Variants in TMPRSS4 observed in about 807,000 individuals in gnomAD.
The protein encoded by TMPRSS4 is transmembrane serine protease 4.
In TMPRSS4, 45 loss-of-function variants were observed where a neutral mutation model predicts 56.4. The ratio of observed to expected loss-of-function variants is 0.80; its 90% CI spans 0.63 to 1.02. TMPRSS4 has a LOEUF of 1.02. TMPRSS4 is among the 50% of genes least tolerant of loss of function. The pLI is 0.00. For synonymous variants in TMPRSS4, 205 were observed against 211.0 expected, an observed-to-expected ratio of 0.97 and a Z score of 0.25; for missense variants, 546 against 556.7, an observed-to-expected ratio of 0.98 and a Z score of 0.19.
chr11:118,111,998 C>T (rs1252553019), intron 8 of TMPRSS4, 98 bp downstream of exon 8: 5 of 1,490,674 alleles, frequency 3.4e-6, no homozygotes, highest in Non-Finnish European at 4.5e-6. Context: ...TCTCTTCACT[C>T]TCCCACTAGA....
chr11:118,102,781 G>A (rs1268664510), intron 3 of TMPRSS4, among the ~76,000 whole-genome samples: 1 of 152,188 alleles, frequency 6.6e-6, no homozygotes, highest in Non-Finnish European at 1.5e-5. Context: ...TCAGACTCCG[G>A]GTTCCTCCTC....
rs757378114 is a variant in TMPRSS4 at position 118,107,876 on chromosome 11, G to A, written c.542+1G>A. On this transcript the variant is annotated splice_donor_variant, in intron 6 of 12. Transcript: ENST00000437212. LOFTEE classifies it high-confidence loss of function. ...AGCTTCGCATGCGGAACTCAAGTGGGTAAGTGAGGGGACACCTTCTGGCCT... is the reference window on the plus strand; with the variant it reads ...AGCTTCGCATGCGGAACTCAAGTGGATAAGTGAGGGGACACCTTCTGGCCT... The A allele has an allele frequency of 1.2e-6, 2 of 1,613,388 alleles. No individual in the cohort carries two copies.
At chr11:118,082,656 T>C (rs2135231089) in intron 1 of TMPRSS4, among the ~76,000 whole-genome samples, 1 of 152,228 alleles carries the variant, frequency 6.6e-6, no homozygotes, top group South Asian at 2.1e-4. Flanking sequence ...CCAGTAGCTA[T>C]AATTAACTTA....
chr11:118,090,700 C>T (rs1282324101), intron 1 of TMPRSS4, among the ~76,000 whole-genome samples: 5 of 151,596 alleles, frequency 3.3e-5, no homozygotes, highest in African/African-American at 9.7e-5. Flanking sequence ...AGCCCTTGAG[C>T]GCAGGAGGTG....
chr11:118,101,632 C>G (rs1405591470), intron 3 of TMPRSS4, among the ~76,000 whole-genome samples: 1 of 152,142 alleles, frequency 6.6e-6, no homozygotes, highest in Non-Finnish European at 1.5e-5. Context: ...CACCACCATG[C>G]CTGGCTAATT....
At chr11:118,087,090 C>G (rs1945619945) in intron 1 of TMPRSS4, among the ~76,000 whole-genome samples, 1 of 152,116 alleles carries the variant, frequency 6.6e-6, no homozygotes, top group Admixed American at 6.5e-5. Context: ...TATCCCATCA[C>G]CTAGCAACAG....
intron 3 of TMPRSS4, 132 bp from the exon 4 acceptor site, chr11:118,102,969 A>C: frequency 3.3e-6 from 4 of 1,225,322 alleles, no homozygotes; most frequent in Non-Finnish European, 4.6e-6. Context: ...TGTGCTACCA[A>C]GTAGCAAAAC....
chr11:118,107,581 T>C (rs549405285), intron 5 of TMPRSS4, 193 bp from the exon 6 acceptor site: 79 of 493,898 alleles, frequency 1.6e-4, no homozygotes, highest in South Asian at 5.4e-4. Context: ...AGTCCTGGGA[T>C]GCCAAGGGTC....
chr11:118,098,680 C>G (rs1044470024), intron 2 of TMPRSS4, among the ~76,000 whole-genome samples: 9 of 152,200 alleles, frequency 5.9e-5, no homozygotes, highest in Admixed American at 1.3e-4. Context: ...AGGCGAGGGT[C>G]AGACAAAACC....
chr11:118,113,398 C>G lies in TMPRSS4; in HGVS notation c.873C>G (p.Ile291Met). The G allele has an allele frequency of 6.2e-7, 1 of 1,614,166 alleles. No homozygotes were observed. Among genetic ancestry groups the G allele is most frequent in the Non-Finnish European group, 8.5e-7 (1 of 1,180,018 alleles). Residue 291 changes from isoleucine (I) to methionine (M), a missense_variant, in exon 9 of 13, where the codon ATC becomes ATG. Coordinates refer to ENST00000437212, the MANE Select transcript of TMPRSS4 (RefSeq NM_019894.4). The part of the protein sequence containing the change: ...FNPMYPKDND[I>M]ALMKLQFPLT... ...CCATGTACCCCAAAGACAATGACATCGCCCTCATGAAGCTGCAGTTCCCAC... is the reference window on the plus strand; with the variant it reads ...CCATGTACCCCAAAGACAATGACATGGCCCTCATGAAGCTGCAGTTCCCAC...
intron 12 of TMPRSS4, 48 bp from the exon 13 acceptor site, chr11:118,117,854 C>T (rs916497518): frequency 9.3e-6 from 15 of 1,613,908 alleles, no homozygotes; most frequent in Non-Finnish European, 1.3e-5. Context: ...CCACTTTGTC[C>T]AGTTTCAGAT....
At chr11:118,115,071 G>T (rs892728791) in intron 10 of TMPRSS4, 67 bp from the exon 11 acceptor site, 1 of 1,573,750 alleles carries the variant, frequency 6.4e-7, no homozygotes, top group East Asian at 2.3e-5. Context: ...AAAGCAAAGT[G>T]GTTTGGCAAT....
chr11:118,104,804 C>G lies in TMPRSS4; in HGVS notation c.424C>G (p.Gln142Glu). Residue 142 changes from glutamine (Q) to glutamate (E), a missense_variant, in exon 5 of 13, where the codon CAG becomes GAG. By Grantham distance (29) the Gln-to-Glu change is conservative. Coordinates refer to ENST00000437212, the MANE Select transcript of TMPRSS4 (RefSeq NM_019894.4). ...AGCTCTCGCTGAGACAGCCTGTAGG[C>G]AGATGGGCTACAGCAGGTAACCAAC... ...TEALAETACR[Q>E]MGYSSKPTFR... 1 of 1,609,742 alleles carries G rather than the reference C, an allele frequency of 6.2e-7. No homozygotes were observed. Among genetic ancestry groups the G allele is most frequent in the Non-Finnish European group, 8.5e-7 (1 of 1,177,942 alleles).
At position 118,117,436 on chromosome 11, in the gene TMPRSS4, G is replaced by T. The variant is rs749890584; in HGVS notation, c.1284G>T (p.Trp428Cys). The T allele has an allele frequency of 6.8e-6, 11 of 1,613,762 alleles. No homozygotes were observed. Among genetic ancestry groups the T allele is most frequent in the Non-Finnish European group, 9.3e-6 (11 of 1,179,790 alleles). Residue 428 changes from tryptophan (W) to cysteine (C), a missense_variant, in exon 12 of 13, where the codon TGG (tryptophan) becomes TGT (cysteine). By Grantham distance (215) the Trp-to-Cys change is radical. Transcript: ENST00000437212. ...VYTKVSAYLN[W>C]IYNVWKAEL ...CCAAGGTCTCAGCCTATCTCAACTG[G>T]ATCTACAATGTCTGGAAGGTAAGGT...
At chr11:118,104,078 C>T (rs1053731052) in intron 4 of TMPRSS4, among the ~76,000 whole-genome samples, 5 of 152,068 alleles carry the variant, frequency 3.3e-5, no homozygotes, top group Admixed American at 3.3e-4. Flanking sequence ...TACCTTCTTC[C>T]CCCTGGTGCT....
rs1947779191 is a variant in TMPRSS4, at chr11:118,121,166, C to T, written c.*3253C>T. 6.6e-6 allele frequency: 1 copy of T among 152,152 alleles called. No individual in the cohort carries two copies. Among genetic ancestry groups the T allele is most frequent in the African/African-American group, 2.4e-5 (1 of 41,420 alleles). 9.4% of individuals were successfully genotyped at this position (152,152 alleles called of 1,614,324 possible). ...CAAAACTATCTTTCAAGAATAAAGGCATTTTCAAGAAAACAAAAACAGACT... is the reference window on the plus strand; with the variant it reads ...CAAAACTATCTTTCAAGAATAAAGGTATTTTCAAGAAAACAAAAACAGACT... On this transcript the variant is annotated 3_prime_UTR_variant, in exon 13 of 13. Coordinates refer to ENST00000437212, the MANE Select transcript of TMPRSS4 (RefSeq NM_019894.4).
At chr11:118,101,889 T>C (rs1200593412) in intron 3 of TMPRSS4, among the ~76,000 whole-genome samples, 1 of 152,230 alleles carries the variant, frequency 6.6e-6, no homozygotes, top group Non-Finnish European at 1.5e-5. Flanking sequence ...TGGCAGAATC[T>C]AAAGACGGCG....
At chr11:118,124,329 G>A (rs1422476349), downstream of TMPRSS4, among the ~76,000 whole-genome samples, 1 of 152,136 alleles carries the variant, frequency 6.6e-6, no homozygotes, top group Non-Finnish European at 1.5e-5. Flanking sequence ...AGGTTGCAGT[G>A]AGCTGAGATG....
At chr11:118,116,715 C>T (rs371960037) in intron 11 of TMPRSS4, among the ~76,000 whole-genome samples, 36 of 123,354 alleles carry the variant, frequency 2.9e-4, no homozygotes, top group Admixed American at 5.2e-4. Context: ...GATAACCAGG[C>T]TTTTTTTTTT....
Sources: gnomAD v4.1 joint callset for allele counts (sites outside exome capture counted in the v4.1 genomes callset) on GRCh38, gnomAD v4.1.1 for gene constraint, MANE v1.5 for transcripts, NCBI Gene and HGNC (gene_info 2026-07-23, HGNC 2026-07-21) for gene names.